TMEM178B: variants seen among roughly 807,000 people sequenced by gnomAD.
The protein encoded by TMEM178B is transmembrane protein 178B.
A neutral mutation model predicts 31.0 loss-of-function variants in TMEM178B; 5 were observed. That is an observed-to-expected ratio of 0.16 (90% CI 0.08 to 0.34). The LOEUF (loss-of-function observed/expected upper bound fraction) is 0.34, where lower values mean the gene tolerates loss of function less well. Ranked by LOEUF, TMEM178B falls within the 10% of genes least tolerant of loss-of-function variation. The pLI is 1.00. For missense variants in TMEM178B, 275 were observed against 400.3 expected, an observed-to-expected ratio of 0.69 and a Z score of 2.67; for synonymous variants, 164 against 164.0, an observed-to-expected ratio of 1.00 and a Z score of 0.00.
chr7:141,148,301 C>T (rs1162036127), intron 1 of TMEM178B, among the ~76,000 whole-genome samples: 4 of 152,176 alleles, frequency 2.6e-5, no homozygotes, highest in African/African-American at 9.7e-5. Context: ...ATCACAGACC[C>T]TCAGCCATGC....
At chr7:141,405,335 A>G (rs1298326656) in intron 2 of TMEM178B, among the ~76,000 whole-genome samples, 1 of 152,188 alleles carries the variant, frequency 6.6e-6, no homozygotes, top group East Asian at 1.9e-4. Flanking sequence ...GCCATCAACC[A>G]CATGTCCTTG....
intron 2 of TMEM178B, among the ~76,000 whole-genome samples, chr7:141,371,390 G>A (rs1800113595): frequency 6.6e-6 from 1 of 152,116 alleles, no homozygotes; most frequent in Non-Finnish European, 1.5e-5. Flanking sequence ...CTGCCATAGT[G>A]GAAGCAGCCT....
At chr7:141,455,915 C>G (rs1470857615) in intron 3 of TMEM178B, among the ~76,000 whole-genome samples, 1 of 152,258 alleles carries the variant, frequency 6.6e-6, no homozygotes, top group Non-Finnish European at 1.5e-5. Flanking sequence ...AAGCTTCTCC[C>G]TCTACTAATT....
At chr7:141,499,681 A>T in the TMEM178B span, among the ~76,000 whole-genome samples, 2 of 152,092 alleles carry the variant, frequency 1.3e-5, no homozygotes, top group Non-Finnish European at 2.9e-5. Context: ...AAGTATATCA[A>T]ATTTGCCAGT....
At chr7:141,500,565 C>T in the TMEM178B span, among the ~76,000 whole-genome samples, 1 of 152,190 alleles carries the variant, frequency 6.6e-6, no homozygotes. Flanking sequence ...TAGCTGGTTG[C>T]AGCCCTCAAG....
intron 1 of TMEM178B, among the ~76,000 whole-genome samples, chr7:141,114,242 G>A (rs1350558020): frequency 6.6e-6 from 1 of 152,242 alleles, no homozygotes; most frequent in East Asian, 1.9e-4. Flanking sequence ...CTTGTACTCT[G>A]ATCATTGCTG....
chr7:141,469,756 T>C (rs1802205701), intron 3 of TMEM178B, among the ~76,000 whole-genome samples: 1 of 152,264 alleles, frequency 6.6e-6, no homozygotes, highest in African/African-American at 2.4e-5. Flanking sequence ...TATATCATTC[T>C]ACCTCTTATA....
Position 141,470,577 on chromosome 7 carries a change from A to T in TMEM178B, c.676A>T (p.Ile226Phe). ...IISLCTCVAG[I>F]NFELSRYPRY... ...TTCACTGTGCACCTGTGTGGCCGGG[A>T]TCAACTTTGAGCTGTCACGCTACCC... Residue 226 changes from isoleucine to phenylalanine, a missense_variant, in exon 4 of 4, where the codon ATC (isoleucine) becomes TTC (phenylalanine). Ile to Phe is a conservative substitution (Grantham distance 21). Coordinates refer to ENST00000565468, the MANE Select transcript of TMEM178B (RefSeq NM_001195278.2). 1 of 1,533,468 alleles carries T rather than the reference A, an allele frequency of 6.5e-7. No homozygotes were observed. Among genetic ancestry groups the T allele is most frequent in the Admixed American group, 2.0e-5 (1 of 50,642 alleles). 95.0% of individuals were successfully genotyped at this position (1,533,468 alleles called of 1,614,324 possible). A position where few individuals can be genotyped will look rare whatever the true frequency, so the allele number is the denominator to read the frequency against.
intron 2 of TMEM178B, among the ~76,000 whole-genome samples, chr7:141,386,960 G>A (rs779322456): frequency 2.6e-5 from 4 of 152,104 alleles, no homozygotes; most frequent in East Asian, 3.8e-4. Context: ...TCAAAATCCC[G>A]GAAGAAAGAA....
intron 1 of TMEM178B, among the ~76,000 whole-genome samples, chr7:141,155,560 C>T (rs543415541): frequency 1.3e-5 from 2 of 152,324 alleles, no homozygotes; most frequent in East Asian, 1.9e-4. Context: ...GCAGTGCCCT[C>T]ACCCTTCCAG....
At chr7:141,115,190 G>A (rs957319679) in intron 1 of TMEM178B, among the ~76,000 whole-genome samples, 1 of 152,112 alleles carries the variant, frequency 6.6e-6, no homozygotes, top group Non-Finnish European at 1.5e-5. Context: ...TTACAGGTGT[G>A]TGCTACCATG....
At chr7:141,315,704 A>G (rs1798990422) in intron 2 of TMEM178B, among the ~76,000 whole-genome samples, 1 of 152,142 alleles carries the variant, frequency 6.6e-6, no homozygotes, top group East Asian at 1.9e-4. Flanking sequence ...CTTGAAGGCA[A>G]GAGCCTTCCA....
chr7:141,241,622 C>G (rs1206309456), intron 2 of TMEM178B, among the ~76,000 whole-genome samples: 2 of 144,550 alleles, frequency 1.4e-5, no homozygotes, highest in Non-Finnish European at 3.0e-5. Flanking sequence ...AAGAATTTAT[C>G]TGGTTCCTCA....
intron 2 of TMEM178B, among the ~76,000 whole-genome samples, chr7:141,332,258 T>C (rs1238414139): frequency 6.6e-6 from 1 of 152,266 alleles, no homozygotes; most frequent in African/African-American, 2.4e-5. Context: ...TTAACTCTCA[T>C]TCTTTTAATT....
intron 2 of TMEM178B, among the ~76,000 whole-genome samples, chr7:141,373,681 C>G (rs540740096): frequency 6.6e-6 from 1 of 152,154 alleles, no homozygotes; most frequent in Non-Finnish European, 1.5e-5. Context: ...AGGCTGCTCC[C>G]GGGGAAGGGG....
chr7:141,283,046 T>G (rs925809218), intron 2 of TMEM178B, among the ~76,000 whole-genome samples: 1 of 152,158 alleles, frequency 6.6e-6, no homozygotes, highest in South Asian at 2.1e-4. Flanking sequence ...GGAGGGACTA[T>G]TACTATCCCC....
At chr7:141,118,784 A>G (rs1795364468) in intron 1 of TMEM178B, among the ~76,000 whole-genome samples, 1 of 152,246 alleles carries the variant, frequency 6.6e-6, no homozygotes, top group African/African-American at 2.4e-5. Context: ...GCCTTTGCAA[A>G]GAAGAAAGGG....
Position 141,074,334 on chromosome 7 carries a change from C to T in TMEM178B, c.24C>T (p.Leu8=), listed in dbSNP as rs1428486650. ...GCATGGCTGCCGGAAGGTTACTGCT[C>T]TACACTGGCCTCTCGCTAGCGCTCT... The part of the protein sequence containing the change: MAAGRLL[L]YTGLSLALCA... The change falls in exon 1 of 4, where the codon CTC becomes CTT. Residue 8 remains leucine, a synonymous_variant. Transcript: ENST00000565468. This position sits in a 1 kb window ranked among gnomAD's most constrained non-coding sequence, Gnocchi z 5.1. The T allele has an allele frequency of 1.3e-6, 2 of 1,535,540 alleles. No individual in the cohort carries two copies. Among genetic ancestry groups the T allele is most frequent in the South Asian group, 2.4e-5 (2 of 84,002 alleles).
chr7:141,297,913 G>A (rs1034998548), intron 2 of TMEM178B, among the ~76,000 whole-genome samples: 6 of 152,122 alleles, frequency 3.9e-5, no homozygotes, highest in South Asian at 2.1e-4. Context: ...CTAGTTCTAG[G>A]TCCTTGAGGA....
Sources: gnomAD v4.1 joint callset for allele counts (sites outside exome capture counted in the v4.1 genomes callset) on GRCh38, gnomAD v4.1.1 for gene constraint, Gnocchi (gnomAD v3.1) non-coding constraint, MANE v1.5 for transcripts, NCBI Gene and HGNC (gene_info 2026-07-23, HGNC 2026-07-21) for gene names.